The following PRDM16 variants were observed in gnomAD, a reference collection of about 807,000 sequenced individuals.
The protein encoded by PRDM16 is histone-lysine N-methyltransferase PRDM16.
PRDM16 carries 23 observed loss-of-function variants against 110.6 expected under a neutral mutation model. That is an observed-to-expected ratio of 0.21 (90% CI 0.15 to 0.29). The LOEUF (loss-of-function observed/expected upper bound fraction) is 0.29, where lower values mean the gene tolerates loss of function less well. Among genes scored for constraint, PRDM16 ranks in the 10% least tolerant of loss-of-function variants. The pLI is 1.00. For synonymous variants in PRDM16, 799 were observed against 781.8 expected, an observed-to-expected ratio of 1.02 and a Z score of -0.37; for missense variants, 1,615 against 1,794.3, an observed-to-expected ratio of 0.90 and a Z score of 1.81.
intron 1 of PRDM16, among the ~76,000 whole-genome samples, chr1:3,092,173 G>A (rs138267360): frequency 5.9e-5 from 9 of 152,258 alleles, no homozygotes; most frequent in East Asian, 1.9e-4. Flanking sequence ...AGAGCACCAC[G>A]ACTGTGCCTG....
At chr1:3,149,397 G>T (rs1643736049) in intron 1 of PRDM16, among the ~76,000 whole-genome samples, 6 of 152,124 alleles carry the variant, frequency 3.9e-5, no homozygotes, top group Admixed American at 3.3e-4. Flanking sequence ...AGCCCCGGGT[G>T]GGGGCAGACA....
chr1:3,326,181 C>CCATCCTCGACCATCCTTGGCCCTCG (rs1641904945), intron 3 of PRDM16, among the ~76,000 whole-genome samples: 1 of 108,948 alleles, frequency 9.2e-6, no homozygotes, highest in Non-Finnish European at 2.0e-5. Context: ...CTTGGCCCTC[C>CCATCCTCGACCATCCTTGGCCCTCG]TTGGCCATCC....
intron 6 of PRDM16, among the ~76,000 whole-genome samples, chr1:3,403,497 G>A (rs1643509202): frequency 6.6e-6 from 1 of 152,230 alleles, no homozygotes; most frequent in Non-Finnish European, 1.5e-5. Flanking sequence ...GTAGGCAAGA[G>A]CCAGAAGGGG....
At chr1:3,166,345 G>A (rs1273922529) in intron 1 of PRDM16, among the ~76,000 whole-genome samples, 2 of 152,246 alleles carry the variant, frequency 1.3e-5, no homozygotes, top group Non-Finnish European at 2.9e-5. Flanking sequence ...GGTGCCACAG[G>A]CCAGGCGTCT....
intron 1 of PRDM16, among the ~76,000 whole-genome samples, chr1:3,164,966 C>G (rs1049463059): frequency 1.3e-5 from 2 of 152,364 alleles, no homozygotes; most frequent in South Asian, 4.1e-4. Flanking sequence ...CTGCACAGGC[C>G]TCCTGCCACC....
chr1:3,179,936 T>C (rs932562901), intron 1 of PRDM16, among the ~76,000 whole-genome samples: 2 of 152,116 alleles, frequency 1.3e-5, no homozygotes, highest in Non-Finnish European at 2.9e-5. Context: ...CCACCGGATT[T>C]GTTTGCTCCA....
chr1:3,224,668 G>T (rs933541461), intron 2 of PRDM16, among the ~76,000 whole-genome samples: 1 of 152,236 alleles, frequency 6.6e-6, no homozygotes, highest in African/African-American at 2.4e-5. Context: ...TGCATTAGGC[G>T]GCCCCAAGGG....
At chr1:3,420,247 G>C (rs558426343) in intron 12 of PRDM16, among the ~76,000 whole-genome samples, 1 of 152,206 alleles carries the variant, frequency 6.6e-6, no homozygotes, top group Non-Finnish European at 1.5e-5. Flanking sequence ...GGTTTGGAGC[G>C]TGTAGCTTTC....
chr1:3,380,165 C>T (rs977970447), intron 3 of PRDM16, among the ~76,000 whole-genome samples: 72 of 151,314 alleles, frequency 4.8e-4, no homozygotes, highest in Admixed American at 2.4e-3. Flanking sequence ...TCCGGCACAC[C>T]CTTCTCAGCG....
At chr1:3,294,682 G>A (rs1014128588) in intron 3 of PRDM16, among the ~76,000 whole-genome samples, 11 of 152,088 alleles carry the variant, frequency 7.2e-5, no homozygotes, top group East Asian at 1.9e-4. Context: ...CAGGCCTCGC[G>A]GGCTGGGCTG....
intron 4 of PRDM16, among the ~76,000 whole-genome samples, chr1:3,389,168 A>G (rs1643251095): frequency 6.6e-6 from 1 of 152,182 alleles, no homozygotes; most frequent in South Asian, 2.1e-4. Context: ...GAGGCAGGGG[A>G]CAGGGGCTTG....
chr1:3,368,082 C>G (rs1205427293), intron 3 of PRDM16, among the ~76,000 whole-genome samples: 1 of 152,178 alleles, frequency 6.6e-6, no homozygotes, highest in Non-Finnish European at 1.5e-5. Context: ...AGTCAGGGAA[C>G]CTTCTAGAAA....
At chr1:3,368,756 A>G (rs1408877502) in intron 3 of PRDM16, among the ~76,000 whole-genome samples, 1 of 152,220 alleles carries the variant, frequency 6.6e-6, no homozygotes, top group Non-Finnish European at 1.5e-5. Flanking sequence ...CAGATCTGCC[A>G]GAATAAGTCA....
intron 1 of PRDM16, among the ~76,000 whole-genome samples, chr1:3,104,977 C>T (rs1642619723): frequency 6.6e-6 from 1 of 152,032 alleles, no homozygotes; most frequent in East Asian, 1.9e-4. Context: ...TGGGAGGAGG[C>T]AGGATGGACT....
At position 3,425,486 on chromosome 1, in the gene PRDM16, G is replaced by A; in HGVS notation, c.2940-95G>A. ...GGGCAAAGCTGTGCACGGGGCACGG[G>A]GCAGGGGCGCGGGCTCCCTTCCCCC... On this transcript the variant is annotated intron_variant, in intron 12 of 16. Transcript: ENST00000270722. This position sits in a 1 kb window ranked among gnomAD's most constrained non-coding sequence, Gnocchi z 6.9. The A allele has an allele frequency of 7.2e-7, 1 of 1,382,062 alleles. No homozygotes were observed. Among genetic ancestry groups the A allele is most frequent in the Non-Finnish European group, 1.0e-6 (1 of 1,002,484 alleles). The allele number at this position is 1,382,062 out of a possible 1,614,324, so 85.6% of individuals were successfully genotyped here.
chr1:3,116,673 C>A (rs140652437), intron 1 of PRDM16, among the ~76,000 whole-genome samples: 1 of 152,204 alleles, frequency 6.6e-6, no homozygotes, highest in Non-Finnish European at 1.5e-5. Flanking sequence ...GGTCTATGCC[C>A]GAGCTCTGGC....
At chr1:3,426,587 AC>A (rs1638613227) in intron 14 of PRDM16, among the ~76,000 whole-genome samples, 1 of 152,152 alleles carries the variant, frequency 6.6e-6, no homozygotes, top group East Asian at 1.9e-4. Context: ...AGATTTCCAA[AC>A]CAAAATGCTG....
chr1:3,273,560 G>C (rs945593738), intron 3 of PRDM16, among the ~76,000 whole-genome samples: 1 of 152,108 alleles, frequency 6.6e-6, no homozygotes, highest in African/African-American at 2.4e-5. Flanking sequence ...GCATATATAA[G>C]GGTACATGCC....
chr1:3,339,261 C>G lies in PRDM16; in HGVS notation c.439-45891C>G, dbSNP rs1642223083. Among the ~76,000 whole-genome samples, 1 of 152,082 alleles carries G rather than the reference C, an allele frequency of 6.6e-6. No individual in the cohort carries two copies. The highest frequency in any genetic ancestry group is 1.5e-5 in the Non-Finnish European group (1 of 68,018). Reference sequence around the variant, plus strand: ...CCGAGGGAGACAGCTCACCCACCCACCACAGTACCATCAAAGACAGACGTC... The same window carrying G: ...CCGAGGGAGACAGCTCACCCACCCAGCACAGTACCATCAAAGACAGACGTC... On this transcript the variant is annotated intron_variant, in intron 3 of 16. Coordinates refer to ENST00000270722, the MANE Select transcript of PRDM16 (RefSeq NM_022114.4). This position sits in a 1 kb window ranked among gnomAD's most constrained non-coding sequence, Gnocchi z 5.0.
Sources: gnomAD v4.1 joint callset for allele counts (sites outside exome capture counted in the v4.1 genomes callset) on GRCh38, gnomAD v4.1.1 for gene constraint, Gnocchi (gnomAD v3.1) non-coding constraint, MANE v1.5 for transcripts, NCBI Gene and HGNC (gene_info 2026-07-23, HGNC 2026-07-21) for gene names.